The following CNTN1 variants were observed in gnomAD, a reference collection of about 807,000 sequenced individuals.
CNTN1 encodes contactin-1.
Under a neutral mutation model 126.4 loss-of-function variants are expected in CNTN1, and 38 were observed. The observed-to-expected ratio is 0.30, with a 90% CI of 0.23 to 0.39. The LOEUF is 0.39. Among genes scored for constraint, CNTN1 ranks in the 10% least tolerant of loss-of-function variants. CNTN1 has a pLI of 1.00. For synonymous variants in CNTN1, 413 were observed against 422.6 expected (o/e 0.98, Z 0.28); for missense variants, 1,009 against 1,248.4 (o/e 0.81, Z 2.89).
At chr12:40,748,295 T>C (rs1212121924) in intron 1 of CNTN1, among the ~76,000 whole-genome samples, 1 of 152,050 alleles carries the variant, frequency 6.6e-6, no homozygotes, top group African/African-American at 2.4e-5. Flanking sequence ...TTTATTTACA[T>C]AAAAATTCAT....
At chr12:40,771,475 ACT>A (rs1307160056) in intron 1 of CNTN1, among the ~76,000 whole-genome samples, 1 of 151,830 alleles carries the variant, frequency 6.6e-6, no homozygotes, top group Non-Finnish European at 1.5e-5. Context: ...GATATGGGAA[ACT>A]CTATATATTT....
intron 1 of CNTN1, among the ~76,000 whole-genome samples, chr12:40,764,907 T>C (rs1030086956): frequency 6.6e-6 from 1 of 152,160 alleles, no homozygotes; most frequent in African/African-American, 2.4e-5. Flanking sequence ...TAGTTATCTT[T>C]TGGTTTATGA....
chr12:40,852,430 G>T (rs1942754372), intron 1 of CNTN1, among the ~76,000 whole-genome samples: 1 of 152,050 alleles, frequency 6.6e-6, no homozygotes. Context: ...CAGGTACCTG[G>T]TATGACTGTG....
intron 1 of CNTN1, among the ~76,000 whole-genome samples, chr12:40,893,912 AT>A (rs1365881738): frequency 2.0e-5 from 3 of 152,220 alleles, no homozygotes; most frequent in East Asian, 3.9e-4. Flanking sequence ...CTCAAATATA[AT>A]ACGTTCAAAA....
intron 1 of CNTN1, among the ~76,000 whole-genome samples, chr12:40,799,240 T>C (rs1329043750): frequency 6.6e-6 from 1 of 151,186 alleles, no homozygotes; most frequent in Non-Finnish European, 1.5e-5. Context: ...GTTTGTTTAA[T>C]TAATTGATAT....
At chr12:40,992,958 T>A (rs1249563169) in intron 16 of CNTN1, among the ~76,000 whole-genome samples, 162 bp from the exon 17 acceptor site, 2 of 152,230 alleles carry the variant, frequency 1.3e-5, no homozygotes, top group Non-Finnish European at 2.9e-5. Flanking sequence ...ACCTCTTCTC[T>A]TACTCCCTTG....
At chr12:40,982,585 C>G (rs1947846827) in intron 16 of CNTN1, among the ~76,000 whole-genome samples, 1 of 152,118 alleles carries the variant, frequency 6.6e-6, no homozygotes, top group Admixed American at 6.6e-5. Context: ...CTATCTCTAG[C>G]ACCTATATCA....
chr12:41,049,066 T>G (rs1335518523), intron 23 of CNTN1, among the ~76,000 whole-genome samples: 2 of 152,144 alleles, frequency 1.3e-5, no homozygotes, highest in African/African-American at 2.4e-5. Flanking sequence ...TATGGCCACT[T>G]TCTCTTTCTT....
At chr12:40,995,310 G>A (rs1314473179) in intron 17 of CNTN1, among the ~76,000 whole-genome samples, 3 of 152,024 alleles carry the variant, frequency 2.0e-5, no homozygotes, top group Non-Finnish European at 1.5e-5. Context: ...GCATTTTAAT[G>A]GAACTCTGCC....
chr12:40,912,926 T>C (rs949033149), intron 3 of CNTN1, among the ~76,000 whole-genome samples: 4 of 152,146 alleles, frequency 2.6e-5, no homozygotes, highest in African/African-American at 9.7e-5. Flanking sequence ...ACCAGCCCAG[T>C]CATGCTATAT....
intron 17 of CNTN1, among the ~76,000 whole-genome samples, chr12:41,009,647 T>C (rs769863546): frequency 3.9e-5 from 6 of 152,160 alleles, no homozygotes; most frequent in Non-Finnish European, 5.9e-5. Flanking sequence ...GCTCCTAACA[T>C]TGGGGTGTTG....
chr12:40,735,117 C>T (rs940887745), intron 1 of CNTN1, among the ~76,000 whole-genome samples: 1 of 152,008 alleles, frequency 6.6e-6, no homozygotes, highest in African/African-American at 2.4e-5. Flanking sequence ...TTTGTTCATT[C>T]CTTAAAGACC....
chr12:40,775,575 T>G (rs1939546531), intron 1 of CNTN1, among the ~76,000 whole-genome samples: 1 of 151,558 alleles, frequency 6.6e-6, no homozygotes, highest in Non-Finnish European at 1.5e-5. Context: ...TACTTTTTAC[T>G]TCATTTGAGA....
At chr12:41,036,285 T>C (rs1461844202) in intron 23 of CNTN1, among the ~76,000 whole-genome samples, 1 of 152,056 alleles carries the variant, frequency 6.6e-6, no homozygotes, top group Non-Finnish European at 1.5e-5. Flanking sequence ...GAATGTAGTG[T>C]CCACATTTTT....
At chr12:40,722,591 G>A (rs532949202) in intron 1 of CNTN1, among the ~76,000 whole-genome samples, 17 of 152,050 alleles carry the variant, frequency 1.1e-4, no homozygotes, top group Non-Finnish European at 2.2e-4. Context: ...ACAGTTGGCC[G>A]ATATATACAT....
intron 1 of CNTN1, among the ~76,000 whole-genome samples, chr12:40,799,787 C>T (rs374482756): frequency 5.0e-4 from 76 of 152,028 alleles, no homozygotes; most frequent in African/African-American, 1.7e-3. Flanking sequence ...ATGCTTGGTA[C>T]GTTTTTTTCA....
chr12:40,844,069 A>AGTTTTTTTTTTTTTTTTTTTTTT (rs1942396619), intron 1 of CNTN1, among the ~76,000 whole-genome samples: 1 of 84,684 alleles, frequency 1.2e-5, no homozygotes, highest in East Asian at 4.8e-4. Flanking sequence ...TGGCACAATG[A>AGTTTTTTTTTTTTTTTTTTTTTT]TTTTTTTTTT....
rs950619258 is a variant in CNTN1 at position 41,040,723 on chromosome 12, A to T, written c.2980+11504A>T. 9.2e-5 allele frequency among the ~76,000 whole-genome samples: 14 copies of T among 151,848 alleles called. No homozygotes were observed. The South Asian group carries it at 2.7e-3, about 29-fold the overall frequency. ...TGATTTGGCTCTCTGTTTGTCTGTG[A>T]TTGGTGTATAAGAATGCTTGTGATT... On this transcript the variant is annotated intron_variant, in intron 23 of 23. Coordinates refer to ENST00000551295, the MANE Select transcript of CNTN1 (RefSeq NM_001843.4).
intron 23 of CNTN1, among the ~76,000 whole-genome samples, chr12:41,040,607 T>C (rs1949380509): frequency 6.6e-6 from 1 of 152,172 alleles, no homozygotes; most frequent in African/African-American, 2.4e-5. Context: ...TGGTTTGTAG[T>C]TCTCCTTGAA....
Sources: allele counts gnomAD v4.1 joint callset (sites outside exome capture counted in the v4.1 genomes callset), GRCh38; gene constraint gnomAD v4.1.1; transcripts MANE v1.5; gene names NCBI Gene and HGNC (gene_info 2026-07-23, HGNC 2026-07-21).